Variants in SAMD12 observed in about 807,000 individuals in gnomAD.
The protein encoded by SAMD12 is sterile alpha motif domain-containing protein 12.
Under a neutral mutation model 15.0 loss-of-function variants are expected in SAMD12, and 9 were observed. The ratio of observed to expected loss-of-function variants is 0.60; its 90% CI spans 0.36 to 1.05. SAMD12 has a LOEUF of 1.05. SAMD12 is among the 50% of genes least tolerant of loss of function. The pLI is 0.01. For missense variants in SAMD12, 230 were observed against 234.2 expected (o/e 0.98, Z 0.12); for synonymous variants, 86 against 90.1 (o/e 0.96, Z 0.25).
chr8:118,356,644 A>G (rs1481972418), intron 4 of SAMD12, among the ~76,000 whole-genome samples: 1 of 152,188 alleles, frequency 6.6e-6, no homozygotes, highest in Admixed American at 6.5e-5. Context: ...AGATATTCTA[A>G]TGATTGCTCG....
At chr8:118,326,840 CA>C (rs759169446) in intron 4 of SAMD12, among the ~76,000 whole-genome samples, 17 of 152,272 alleles carry the variant, frequency 1.1e-4, no homozygotes, top group East Asian at 1.9e-4. Context: ...TCTTTTGGGA[CA>C]GGGGGATGCC....
intron 2 of SAMD12, among the ~76,000 whole-genome samples, chr8:118,479,673 A>C (rs983742339): frequency 1.3e-5 from 2 of 152,218 alleles, no homozygotes; most frequent in East Asian, 3.9e-4. Context: ...TTTTTCAAGT[A>C]TTTACTAAAA....
At chr8:118,155,034 A>G in the SAMD12 span, among the ~76,000 whole-genome samples, 2 of 152,220 alleles carry the variant, frequency 1.3e-5, no homozygotes, top group Non-Finnish European at 1.5e-5. Context: ...TGCTCACACT[A>G]TAATTAAATT....
rs11986077 is a variant in SAMD12 at position 118,411,252 on chromosome 8, T to C, written c.322+28580A>G. Among the ~76,000 whole-genome samples, 428 of 152,174 alleles carry C rather than the reference T, an allele frequency of 2.8e-3. 1 individual carries two copies. The highest frequency in any genetic ancestry group is 0.01 in the Middle Eastern group (3 of 294). On this transcript the variant is annotated intron_variant, in intron 3 of 3. Coordinates refer to ENST00000314727, the MANE Select transcript of SAMD12 (RefSeq NM_207506.3). ...TTCAAGCACAATTTAGAGAAAGAAA[T>C]AAAGGAGGCATTTACTCCTTGCTTA...
intron 2 of SAMD12, among the ~76,000 whole-genome samples, chr8:118,491,754 A>G (rs1003882069): frequency 2.6e-5 from 4 of 152,190 alleles, no homozygotes; most frequent in Non-Finnish European, 5.9e-5. Context: ...TATGAGAATC[A>G]ATCATATTGT....
the SAMD12 span, among the ~76,000 whole-genome samples, chr8:118,162,992 C>G: frequency 1.3e-5 from 2 of 152,156 alleles, no homozygotes; most frequent in Non-Finnish European, 2.9e-5. Flanking sequence ...ATATTAGAGA[C>G]CAAAACCTGA....
At chr8:118,168,947 A>G in the SAMD12 span, among the ~76,000 whole-genome samples, 1 of 152,216 alleles carries the variant, frequency 6.6e-6, no homozygotes, top group Non-Finnish European at 1.5e-5. Flanking sequence ...TGAATTACCT[A>G]AGAGATCACC....
At chr8:118,166,995 A>G in the SAMD12 span, among the ~76,000 whole-genome samples, 1 of 152,074 alleles carries the variant, frequency 6.6e-6, no homozygotes, top group African/African-American at 2.4e-5. Context: ...GCACAGCCAG[A>G]CACTCTCACA....
At chr8:118,351,022 G>A (rs535725285) in intron 4 of SAMD12, among the ~76,000 whole-genome samples, 3 of 152,272 alleles carry the variant, frequency 2.0e-5, no homozygotes, top group Admixed American at 6.5e-5. Flanking sequence ...TTTCTTAAGT[G>A]AAGAATGCAA....
At chr8:118,339,441 A>G (rs936169731) in intron 4 of SAMD12, among the ~76,000 whole-genome samples, 2 of 152,206 alleles carry the variant, frequency 1.3e-5, no homozygotes, top group African/African-American at 2.4e-5. Flanking sequence ...CTCGAAATGC[A>G]TGGGGATGGT....
At chr8:118,347,596 A>G (rs1342527958) in intron 4 of SAMD12, among the ~76,000 whole-genome samples, 2 of 152,222 alleles carry the variant, frequency 1.3e-5, no homozygotes, top group Non-Finnish European at 2.9e-5. Context: ...GAAGTACTAC[A>G]CTATAAAAGG....
intron 2 of SAMD12, among the ~76,000 whole-genome samples, chr8:118,473,729 C>T (rs1343441457): frequency 6.6e-6 from 1 of 152,138 alleles, no homozygotes; most frequent in Non-Finnish European, 1.5e-5. Flanking sequence ...ACCATTTCCT[C>T]GGCCTGGGAA....
At chr8:118,365,885 C>G (rs1050905203) in intron 4 of SAMD12, among the ~76,000 whole-genome samples, 41 of 151,988 alleles carry the variant, frequency 2.7e-4, no homozygotes, top group Non-Finnish European at 5.7e-4. Flanking sequence ...TTTCCTGATC[C>G]CTTAGAGCCA....
chr8:118,561,550 T>C (rs1563585393), intron 2 of SAMD12, among the ~76,000 whole-genome samples: 2 of 152,190 alleles, frequency 1.3e-5, no homozygotes, highest in Non-Finnish European at 2.9e-5. Flanking sequence ...GAAGAAAACA[T>C]GTCCTTCTTC....
chr8:118,293,410 T>C (rs1421734339), intron 4 of SAMD12, among the ~76,000 whole-genome samples: 2 of 152,228 alleles, frequency 1.3e-5, no homozygotes, highest in East Asian at 1.9e-4. Flanking sequence ...AAAATGTCTT[T>C]TTTTGCCCAC....
chr8:118,197,179 T>C (rs1819589680), exon 5 of SAMD12: 2 of 154,648 alleles, frequency 1.3e-5, no homozygotes, highest in Admixed American at 6.4e-5. Context: ...AGTGTTCTCA[T>C]ATAAAGTGCT....
At chr8:118,204,374 G>A (rs759629569) in intron 4 of SAMD12, among the ~76,000 whole-genome samples, 2 of 152,142 alleles carry the variant, frequency 1.3e-5, no homozygotes, top group African/African-American at 4.8e-5. Context: ...AGAATTTGAC[G>A]AAGAGAAGCG....
chr8:118,391,078 G>A (rs1820250372), intron 3 of SAMD12, among the ~76,000 whole-genome samples: 1 of 152,084 alleles, frequency 6.6e-6, no homozygotes, highest in Non-Finnish European at 1.5e-5. Context: ...TATGTTAAAG[G>A]TTAAATATTC....
intron 2 of SAMD12, among the ~76,000 whole-genome samples, chr8:118,474,489 T>A (rs1331555831): frequency 6.6e-6 from 1 of 152,016 alleles, no homozygotes; most frequent in Non-Finnish European, 1.5e-5. Flanking sequence ...CAAAGGATTC[T>A]CCTACCTCAG....
Sources: gnomAD v4.1 joint callset for allele counts (sites outside exome capture counted in the v4.1 genomes callset) on GRCh38, gnomAD v4.1.1 for gene constraint, MANE v1.5 for transcripts, NCBI Gene and HGNC (gene_info 2026-07-23, HGNC 2026-07-21) for gene names.